MAEA: variants seen among roughly 807,000 people sequenced by gnomAD.
MAEA encodes the protein macrophage erythroblast attacher, E3 ubiquitin ligase.
Under a neutral mutation model 46.2 loss-of-function variants are expected in MAEA, and 22 were observed. That is an observed-to-expected ratio of 0.48 (90% CI 0.34 to 0.68). The LOEUF (loss-of-function observed/expected upper bound fraction) is 0.68. Among genes scored for constraint, MAEA ranks in the 30% least tolerant of loss-of-function variants. The probability of loss-of-function intolerance (pLI) is 0.01; values close to 1 mark genes in which losing one functional copy is unlikely to be tolerated. For synonymous variants in MAEA, 246 were observed against 222.6 expected, an observed-to-expected ratio of 1.11 and a Z score of -0.94; for missense variants, 393 against 558.1, an observed-to-expected ratio of 0.70 and a Z score of 2.98.
At chr4:1,330,023 G>A (rs1213324715) in intron 5 of MAEA, 1 of 985,384 alleles carries the variant, frequency 1.0e-6, no homozygotes, top group African/African-American at 1.7e-5. Context: ...GCTGTCTGTG[G>A]AGCCAGCGTG....
chr4:1,327,480 G>C, intron 4 of MAEA, 147 bp from the exon 5 acceptor site: 1 of 702,722 alleles, frequency 1.4e-6, no homozygotes. Context: ...GGCAGCTTCA[G>C]CCTCAGCCCT....
intron 5 of MAEA, 69 bp from the exon 6 acceptor site, chr4:1,332,688 A>C (rs1410046417): frequency 3.4e-6 from 4 of 1,193,896 alleles, no homozygotes; most frequent in Non-Finnish European, 4.9e-6. Flanking sequence ...TGGGTGACAG[A>C]GTGAAACCCT....
At chr4:1,308,646 T>C (rs1485359151) in intron 1 of MAEA, among the ~76,000 whole-genome samples, 1 of 152,274 alleles carries the variant, frequency 6.6e-6, no homozygotes, top group East Asian at 1.9e-4. Context: ...TCTGCACTTG[T>C]GTCTCCTGAG....
intron 1 of MAEA, among the ~76,000 whole-genome samples, chr4:1,303,752 T>C (rs1378111365): frequency 2.0e-5 from 3 of 152,032 alleles, no homozygotes; most frequent in Non-Finnish European, 4.4e-5. Context: ...TTGTACATAT[T>C]AAAGGGGTGA....
intron 7 of MAEA, chr4:1,337,410 G>C (rs1712928728): frequency 9.2e-6 from 2 of 217,918 alleles, no homozygotes; most frequent in Non-Finnish European, 1.7e-5. Flanking sequence ...CTGTGACTCT[G>C]TCCCTGCCTG....
At chr4:1,327,810 G>T (rs61332620) in intron 5 of MAEA, 107 bp downstream of exon 5, 1 of 818,338 alleles carries the variant, frequency 1.2e-6, no homozygotes, top group Non-Finnish European at 1.9e-6. Flanking sequence ...CCCCTGGGTC[G>T]TCCCCTGGGT....
chr4:1,314,409 G>A (rs942552375), intron 2 of MAEA, among the ~76,000 whole-genome samples: 1 of 152,064 alleles, frequency 6.6e-6, no homozygotes, highest in Non-Finnish European at 1.5e-5. Context: ...CTCAACATTT[G>A]CCTATAACAG....
intron 5 of MAEA, chr4:1,329,900 C>T (rs185689652): frequency 2.4e-5 from 24 of 985,556 alleles, no homozygotes; most frequent in Admixed American, 1.8e-4. Flanking sequence ...AGGAGCTTCC[C>T]GTCCACCTCT....
At chr4:1,298,866 A>C (rs999333245) in intron 1 of MAEA, among the ~76,000 whole-genome samples, 1 of 149,032 alleles carries the variant, frequency 6.7e-6, no homozygotes, top group African/African-American at 2.5e-5. Context: ...CTTTGGCATT[A>C]AAATTATTAT....
In MAEA at chr4:1,312,080, G is replaced by T. The variant is rs747788139; in HGVS notation, c.171G>T (p.Thr57=). ...VTMVVAELEK[T]LSGCPAVDSV... ...TGGTGGTGGCCGAGCTGGAGAAGAC[G>T]TTGAGCGGCTGCCCCGCCGTGGACT... Residue 57 remains threonine, a synonymous_variant, in exon 2 of 9, where the codon ACG becomes ACT. Transcript: ENST00000303400. 4 of 1,613,754 alleles carry T rather than the reference G, an allele frequency of 2.5e-6. No homozygotes were observed. The highest frequency in any genetic ancestry group is 1.3e-5 in the African/African-American group (1 of 74,936).
chr4:1,335,397 T>A (rs1415523584), intron 6 of MAEA: 3 of 985,478 alleles, frequency 3.0e-6, no homozygotes, highest in Non-Finnish European at 3.6e-6. Flanking sequence ...GCACCAGCCC[T>A]GTGGCATGTT....
At position 1,315,503 on chromosome 4, in the gene MAEA, G is replaced by A; in HGVS notation, c.359G>A (p.Trp120Ter). 6.2e-7 allele frequency: 1 copy of A among 1,613,926 alleles called. No individual in the cohort carries two copies. The highest frequency in any genetic ancestry group is 8.5e-7 in the Non-Finnish European group (1 of 1,179,996). The change falls in exon 3 of 9, where the codon TGG becomes TAG. Residue 120 changes from tryptophan to a stop codon, truncating the protein, a stop_gained. Coordinates refer to ENST00000303400, the MANE Select transcript of MAEA (RefSeq NM_001017405.3). LOFTEE classifies it high-confidence loss of function. ...SSDQPAAASVWKRKRMDRMMV... is the reference protein window; with the variant it reads ...SSDQPAAASV ...GACCAGCCCGCGGCGGCCAGCGTGTGGAAGAGGAAGCGCATGGATCGCATG... is the reference window on the plus strand; with the variant it reads ...GACCAGCCCGCGGCGGCCAGCGTGTAGAAGAGGAAGCGCATGGATCGCATG...
chr4:1,335,236 G>A, intron 6 of MAEA: 1 of 985,498 alleles, frequency 1.0e-6, no homozygotes, highest in Non-Finnish European at 1.2e-6. Context: ...TTTCTCTGAA[G>A]TAAGAGTTTT....
At chr4:1,323,832 A>C (rs1211886225) in intron 4 of MAEA, among the ~76,000 whole-genome samples, 1 of 152,256 alleles carries the variant, frequency 6.6e-6, no homozygotes, top group Admixed American at 6.5e-5. Context: ...ACCTGTCTGA[A>C]GCTGCTGTGG....
Position 1,322,453 on chromosome 4 carries a change from A to G in MAEA, c.529A>G (p.Thr177Ala), listed in dbSNP as rs1395113983. Reference protein sequence around the residue: ...EESLERRETATCLAWCHDNKS... With the variant: ...EESLERRETAACLAWCHDNKS... ...GTCCCTGGAGAGGCGTGAGACGGCC[A>G]CCTGCCTGGCCTGGTGCCATGACAA... The change falls in exon 4 of 9, where the codon ACC (threonine) becomes GCC (alanine). Residue 177 changes from threonine (T) to alanine (A), a missense_variant. Coordinates refer to ENST00000303400, the MANE Select transcript of MAEA (RefSeq NM_001017405.3). The G allele has an allele frequency of 1.9e-6, 3 of 1,613,858 alleles. No individual in the cohort carries two copies. Among genetic ancestry groups the G allele is most frequent in the Non-Finnish European group, 2.5e-6 (3 of 1,180,010 alleles).
intron 3 of MAEA, among the ~76,000 whole-genome samples, chr4:1,317,398 C>G (rs987273069): frequency 2.0e-5 from 3 of 151,482 alleles, no homozygotes; most frequent in Non-Finnish European, 4.4e-5. Flanking sequence ...CCGGACTCAC[C>G]CGCAGACCCA....
intron 1 of MAEA, among the ~76,000 whole-genome samples, chr4:1,306,722 C>G (rs1031521988): frequency 6.6e-6 from 1 of 152,170 alleles, no homozygotes; most frequent in African/African-American, 2.4e-5. Flanking sequence ...ATGGATTTTT[C>G]TTTTACAGTT....
intron 4 of MAEA, among the ~76,000 whole-genome samples, chr4:1,323,987 T>G (rs921538377): frequency 6.8e-6 from 1 of 146,056 alleles, no homozygotes; most frequent in African/African-American, 2.6e-5. Flanking sequence ...ATGCCTTGTG[T>G]TGGATGAGTT....
At chr4:1,332,918 GTGTC>G (rs1243625754) in intron 6 of MAEA, 53 bp downstream of exon 6, 1 of 1,401,860 alleles carries the variant, frequency 7.1e-7, no homozygotes, top group Non-Finnish European at 9.9e-7. Context: ...GATCCAGGGT[GTGTC>G]TCTGGTCTGT....
Sources: gnomAD v4.1 joint callset for allele counts (sites outside exome capture counted in the v4.1 genomes callset) on GRCh38, gnomAD v4.1.1 for gene constraint, MANE v1.5 for transcripts, NCBI Gene and HGNC (gene_info 2026-07-23, HGNC 2026-07-21) for gene names.